The following USH2A variants were observed in gnomAD, a reference collection of about 807,000 sequenced individuals.
The protein encoded by USH2A is usherin, also known as Usher syndrome 2A (autosomal recessive, mild).
USH2A carries 443 observed loss-of-function variants against 538.9 expected under a neutral mutation model. The ratio of observed to expected loss-of-function variants is 0.82; its 90% CI spans 0.76 to 0.89. The LOEUF is 0.89. Among genes scored for constraint, USH2A ranks in the 40% least tolerant of loss-of-function variants. The probability of loss-of-function intolerance (pLI) is 0.00; values close to 1 mark genes in which losing one functional copy is unlikely to be tolerated. For missense variants in USH2A, 6,633 were observed against 6,324.8 expected, an observed-to-expected ratio of 1.05 and a Z score of -1.65; for synonymous variants, 2,413 against 2,273.5, an observed-to-expected ratio of 1.06 and a Z score of -1.75.
chr1:215,946,517 C>T (rs1393757781), intron 37 of USH2A, among the ~76,000 whole-genome samples: 8 of 152,240 alleles, frequency 5.3e-5, no homozygotes, highest in Middle Eastern at 3.4e-3. Flanking sequence ...GCCAACCAGC[C>T]GAGCAGCTGA....
intron 33 of USH2A, among the ~76,000 whole-genome samples, chr1:215,999,767 A>G (rs1038920311): frequency 2.0e-5 from 3 of 152,216 alleles, no homozygotes; most frequent in Admixed American, 6.5e-5. Flanking sequence ...TAGACATGGA[A>G]CAATGAGATC....
At chr1:216,346,728 C>A (rs2038182376) in intron 4 of USH2A, among the ~76,000 whole-genome samples, 1 of 151,160 alleles carries the variant, frequency 6.6e-6, no homozygotes, top group South Asian at 2.1e-4. Context: ...GTTTGCCTTC[C>A]AGCTGTGCCT....
At chr1:216,239,636 G>A (rs1309498856) in intron 13 of USH2A, among the ~76,000 whole-genome samples, 1 of 152,142 alleles carries the variant, frequency 6.6e-6, no homozygotes, top group Non-Finnish European at 1.5e-5. Flanking sequence ...AAAGCAAATG[G>A]AAGGTGGAGT....
chr1:216,214,335 A>G (rs2035302815), intron 15 of USH2A, among the ~76,000 whole-genome samples: 1 of 152,092 alleles, frequency 6.6e-6, no homozygotes, highest in Non-Finnish European at 1.5e-5. Context: ...TAGTGTATCC[A>G]TAAAATACTA....
intron 49 of USH2A, among the ~76,000 whole-genome samples, chr1:215,811,822 C>T (rs1662695393): frequency 6.6e-6 from 1 of 151,658 alleles, no homozygotes; most frequent in Admixed American, 6.6e-5. Context: ...AGGAGAATCG[C>T]TTGAACCTGG....
chr1:216,193,259 A>G (rs993624887), intron 19 of USH2A, among the ~76,000 whole-genome samples: 5 of 152,178 alleles, frequency 3.3e-5, no homozygotes, highest in African/African-American at 1.2e-4. Context: ...CTTAAATCCC[A>G]TGGTATACCA....
chr1:215,911,957 T>A (rs566604610), intron 38 of USH2A, among the ~76,000 whole-genome samples: 2 of 152,240 alleles, frequency 1.3e-5, no homozygotes, highest in Non-Finnish European at 2.9e-5. Context: ...ATTTCTCTGA[T>A]AATTGATGAT....
chr1:216,159,335 G>T (rs184455736), intron 21 of USH2A, among the ~76,000 whole-genome samples: 112 of 152,158 alleles, frequency 7.4e-4, no homozygotes, highest in Admixed American at 2.1e-3. Context: ...CAATTTATTA[G>T]GATGTGTTCT....
chr1:215,674,467 C>T lies in USH2A; in HGVS notation c.13444G>A (p.Asp4482Asn), dbSNP rs1657930957. ...GQIRSYELRRDGTIVYTGLET... is the reference protein window; with the variant it reads ...GQIRSYELRRNGTIVYTGLET... ...AAGCCTGTATATACAATGGTTCCAT[C>T]CCTCCTAAGTTCATAACTTCTGATC... Residue 4482 changes from aspartate to asparagine, a missense_variant, in exon 63 of 72, where the codon GAT (aspartate) becomes AAT (asparagine). By Grantham distance (23) the Asp-to-Asn change is conservative (BLOSUM62 1). Coordinates refer to ENST00000307340, the MANE Select transcript of USH2A (RefSeq NM_206933.4). The T allele has an allele frequency of 2.5e-6, 4 of 1,614,154 alleles. No homozygotes were observed. The highest frequency in any genetic ancestry group is 2.7e-5 in the African/African-American group (2 of 75,048).
intron 34 of USH2A, among the ~76,000 whole-genome samples, chr1:215,994,112 T>C (rs1226683269): frequency 6.6e-6 from 1 of 152,174 alleles, no homozygotes; most frequent in African/African-American, 2.4e-5. Flanking sequence ...ACAATTTCAA[T>C]TGATACAACA....
chr1:216,146,650 C>T (rs2033711701), intron 21 of USH2A, among the ~76,000 whole-genome samples: 3 of 151,948 alleles, frequency 2.0e-5, no homozygotes, highest in Non-Finnish European at 2.9e-5. Flanking sequence ...TGCCCCAATC[C>T]CTTATTTCCG....
intron 3 of USH2A, among the ~76,000 whole-genome samples, chr1:216,413,704 T>C (rs908008786): frequency 1.3e-5 from 2 of 152,124 alleles, no homozygotes; most frequent in Non-Finnish European, 2.9e-5. Context: ...TCTATGGCTC[T>C]TGAATTGTCA....
At chr1:215,640,160 C>T (rs1235063901) in intron 68 of USH2A, among the ~76,000 whole-genome samples, 2 of 152,134 alleles carry the variant, frequency 1.3e-5, no homozygotes, top group African/African-American at 2.4e-5. Flanking sequence ...ATAGTTATTT[C>T]CTGATAGGGC....
At chr1:215,657,960 C>G (rs182330134) in intron 64 of USH2A, among the ~76,000 whole-genome samples, 1 of 136,980 alleles carries the variant, frequency 7.3e-6, no homozygotes, top group East Asian at 2.2e-4. Flanking sequence ...GACAGAGTCT[C>G]TCTCTCTCTG....
intron 61 of USH2A, among the ~76,000 whole-genome samples, chr1:215,725,146 G>GC (rs1334756145): frequency 2.0e-5 from 3 of 152,074 alleles, no homozygotes; most frequent in Non-Finnish European, 4.4e-5. Context: ...CAATTCTCCT[G>GC]CCTCAGCCTC....
chr1:216,131,763 T>C (rs978307260), intron 21 of USH2A, among the ~76,000 whole-genome samples: 8 of 152,136 alleles, frequency 5.3e-5, no homozygotes, highest in Non-Finnish European at 1.0e-4. Flanking sequence ...TCTTCACTTA[T>C]TATCTTATTG....
chr1:215,715,646 G>A lies in USH2A; in HGVS notation c.12066+12384C>T, dbSNP rs191125602. Among the ~76,000 whole-genome samples the A allele has an allele frequency of 2.4e-3, 363 of 152,286 alleles. 2 individuals carry two copies. Among genetic ancestry groups the A allele is most frequent in the African/African-American group, 8.3e-3 (347 of 41,562 alleles). On this transcript the variant is annotated intron_variant, in intron 61 of 71. Transcript: ENST00000307340. ...TTCAAGACACTTTCTATTTCCATAC[G>A]AGTTCCTTTGTATGCTGGGTTGCCT...
chr1:216,250,956 T>G lies in USH2A; in HGVS notation c.2114A>C (p.Asp705Ala), dbSNP rs756979133. The change falls in exon 12 of 72, where the codon GAT becomes GCT. Residue 705 changes from aspartate to alanine, a missense_variant. Physicochemically the swap from Asp to Ala is moderately radical, Grantham distance 126 (BLOSUM62 -2). Coordinates refer to ENST00000307340, the MANE Select transcript of USH2A (RefSeq NM_206933.4). Reference sequence around the variant, plus strand: ...GCCTGAATTTTGGTGACAGGTAATATCTCCATCCACTGTCCCAGAGGTATT... The same window carrying G: ...GCCTGAATTTTGGTGACAGGTAATAGCTCCATCCACTGTCCCAGAGGTATT... The part of the protein sequence containing the change: ...NCNTSGTVDG[D>A]ITCHQNSGQC... 1 of 1,614,032 alleles carries G rather than the reference T, an allele frequency of 6.2e-7. No homozygotes were observed. Among genetic ancestry groups the G allele is most frequent in the East Asian group, 2.2e-5 (1 of 44,820 alleles).
At chr1:215,628,739 G>A in intron 71 of USH2A, 75 bp downstream of exon 71, 1 of 1,494,188 alleles carries the variant, frequency 6.7e-7, no homozygotes, top group Non-Finnish European at 9.3e-7. Context: ...AGCATTCGGT[G>A]AAGTACAGGC....
Sources: gnomAD v4.1 joint callset for allele counts (sites outside exome capture counted in the v4.1 genomes callset) on GRCh38, gnomAD v4.1.1 for gene constraint, MANE v1.5 for transcripts, NCBI Gene and HGNC (gene_info 2026-07-23, HGNC 2026-07-21) for gene names.